OTOA: variants seen among roughly 807,000 people sequenced by gnomAD.
OTOA encodes the protein otoancorin.
A neutral mutation model predicts 110.8 loss-of-function variants in OTOA; 70 were observed. The observed-to-expected ratio is 0.63, with a 90% CI of 0.52 to 0.77. OTOA has a LOEUF of 0.77. Ranked by LOEUF, OTOA falls within the 30% of genes least tolerant of loss-of-function variation. The pLI, the probability that OTOA is intolerant of heterozygous loss-of-function variation, is 0.00. For synonymous variants in OTOA, 373 were observed against 431.5 expected, an observed-to-expected ratio of 0.86 and a Z score of 1.68; for missense variants, 917 against 1,075.8, an observed-to-expected ratio of 0.85 and a Z score of 2.06.
chr16:21,680,770 T>C (rs772226582), intron 5 of OTOA, among the ~76,000 whole-genome samples: 2 of 151,238 alleles, frequency 1.3e-5, no homozygotes, highest in Non-Finnish European at 2.9e-5. Flanking sequence ...GGAGAATCGC[T>C]TGAACCTGGG....
chr16:21,706,248 C>T (rs959895322), intron 12 of OTOA, among the ~76,000 whole-genome samples: 10 of 152,194 alleles, frequency 6.6e-5, no homozygotes, highest in Non-Finnish European at 1.3e-4. Flanking sequence ...CCTTGGCCTC[C>T]CAAAGTGTTT....
chr16:21,707,333 A>T (rs1055997450), intron 12 of OTOA, among the ~76,000 whole-genome samples: 2 of 151,962 alleles, frequency 1.3e-5, no homozygotes, highest in African/African-American at 4.8e-5. Context: ...GGGATCATCT[A>T]GCTCAGTTGT....
At chr16:21,685,735 G>A (rs1020415222) in intron 7 of OTOA, among the ~76,000 whole-genome samples, 10 of 151,698 alleles carry the variant, frequency 6.6e-5, no homozygotes, top group African/African-American at 2.4e-4. Flanking sequence ...GCTAATTTTT[G>A]TATTTTTAGT....
intron 28 of OTOA, among the ~76,000 whole-genome samples, chr16:21,758,776 G>A (rs1263817743): frequency 1.3e-5 from 2 of 151,330 alleles, no homozygotes; most frequent in African/African-American, 2.4e-5. Context: ...CGAGGTGGGC[G>A]GATCACCTGA....
At chr16:21,712,041 T>TG (rs1252036526) in intron 13 of OTOA, among the ~76,000 whole-genome samples, 1 of 152,072 alleles carries the variant, frequency 6.6e-6, no homozygotes. Flanking sequence ...TGACAAAAGG[T>TG]AGTAGGCTGG....
chr16:21,666,469 G>A (rs1966840458), intron 1 of OTOA, among the ~76,000 whole-genome samples: 1 of 152,084 alleles, frequency 6.6e-6, no homozygotes, highest in Admixed American at 6.5e-5. Flanking sequence ...TCCATGGGTT[G>A]ACCAACTCCT....
intron 18 of OTOA, among the ~76,000 whole-genome samples, chr16:21,724,104 G>A (rs1311895974): frequency 6.6e-6 from 1 of 152,170 alleles, no homozygotes; most frequent in African/African-American, 2.4e-5. Flanking sequence ...ACCTCTGTTA[G>A]GACAGAGGTG....
intron 17 of OTOA, chr16:21,721,341 A>G: frequency 2.2e-6 from 1 of 455,948 alleles, no homozygotes; most frequent in South Asian, 1.5e-5. Context: ...TGTTCTCAAC[A>G]GAGTACTGTT....
intron 5 of OTOA, 73 bp from the exon 6 acceptor site, chr16:21,681,665 C>A: frequency 1.5e-6 from 2 of 1,300,628 alleles, no homozygotes; most frequent in Non-Finnish European, 2.2e-6. Context: ...GTCCCCTGGG[C>A]ACTTAGCTAG....
chr16:21,707,889 G>C (rs1307062279), intron 12 of OTOA, among the ~76,000 whole-genome samples: 2 of 150,618 alleles, frequency 1.3e-5, no homozygotes, highest in East Asian at 3.9e-4. Flanking sequence ...CTGCCTCCCA[G>C]GTTCAAGCAA....
intron 1 of OTOA, among the ~76,000 whole-genome samples, chr16:21,666,261 T>G (rs1966840157): frequency 6.6e-6 from 1 of 150,552 alleles, no homozygotes. Context: ...TTTTTTTTTT[T>G]GGTGGAAAAT....
intron 1 of OTOA, among the ~76,000 whole-genome samples, chr16:21,674,664 C>G (rs1008983779): frequency 6.6e-6 from 1 of 151,174 alleles, no homozygotes. Context: ...TTATTTTAGC[C>G]ATCTGATAGG....
chr16:21,687,268 G>A, intron 7 of OTOA, 145 bp from the exon 8 acceptor site: 1 of 731,164 alleles, frequency 1.4e-6, no homozygotes, highest in East Asian at 2.7e-5. Context: ...TGCAGGGAAT[G>A]GAAAGTTCTA....
chr16:21,732,771 T>G (rs1340028820), intron 21 of OTOA, among the ~76,000 whole-genome samples: 1 of 148,416 alleles, frequency 6.7e-6, no homozygotes, highest in Non-Finnish European at 1.5e-5. Context: ...AAGCCAAGTT[T>G]ATATGTAAGA....
Position 21,728,265 on chromosome 16 carries a change from A to G in OTOA, c.2041A>G (p.Thr681Ala), listed in dbSNP as rs767039643. The part of the protein sequence containing the change: ...CLDDSIADEY[T>A]VDIMGNLLCH... ...GGACGACTCCATTGCTGATGAGTAC[A>G]CTGTGGACATCATGGGGAACCTGCT... is the stretch of plus-strand genomic sequence containing the variant. The change falls in exon 20 of 29, where the codon ACT becomes GCT. Residue 681 changes from threonine to alanine, a missense_variant. By Grantham distance (58) the Thr-to-Ala change is moderately conservative. Coordinates refer to ENST00000646100, the MANE Select transcript of OTOA (RefSeq NM_144672.4). The G allele has an allele frequency of 1.2e-6, 2 of 1,614,036 alleles. No homozygotes were observed. Among genetic ancestry groups the G allele is most frequent in the African/African-American group, 2.7e-5 (2 of 74,924 alleles).
At chr16:21,689,062 C>T (rs953178194) in intron 8 of OTOA, among the ~76,000 whole-genome samples, 7 of 152,040 alleles carry the variant, frequency 4.6e-5, no homozygotes, top group East Asian at 1.9e-4. Context: ...CATGAAATTG[C>T]GCTTTGATGT....
At chr16:21,697,726 G>C (rs760351723) in intron 9 of OTOA, 49 bp from the exon 10 acceptor site, 4 of 1,519,030 alleles carry the variant, frequency 2.6e-6, no homozygotes, top group Non-Finnish European at 3.7e-6. Context: ...CAGTGTAAAG[G>C]CTTTTATTTA....
Position 21,716,950 on chromosome 16 carries a change from A to G in OTOA, c.1532A>G (p.Gln511Arg). ...EDTAPGIVEI[Q>R]GAFFKEVSLF... is the part of the protein sequence containing the mutation. ...ACTGCCCCAGGCATCGTGGAGATACAAGGGGCTTTCTTTAAGGAAGTGTCT... is the reference window on the plus strand; with the variant it reads ...ACTGCCCCAGGCATCGTGGAGATACGAGGGGCTTTCTTTAAGGAAGTGTCT... The change falls in exon 15 of 29, where the codon CAA becomes CGA. Residue 511 changes from glutamine (Q) to arginine (R), a missense_variant. Gln to Arg is a conservative substitution (Grantham distance 43). Transcript: ENST00000646100. 1 of 1,613,990 alleles carries G rather than the reference A, an allele frequency of 6.2e-7. No homozygotes were observed. The highest frequency in any genetic ancestry group is 8.5e-7 in the Non-Finnish European group (1 of 1,179,990).
intron 10 of OTOA, among the ~76,000 whole-genome samples, chr16:21,700,380 T>C (rs1017147948): frequency 5.9e-5 from 9 of 152,146 alleles, no homozygotes; most frequent in African/African-American, 2.2e-4. Context: ...TCCTAAAGAA[T>C]AGTTAGGTTG....
Sources: allele counts gnomAD v4.1 joint callset (sites outside exome capture counted in the v4.1 genomes callset), GRCh38; gene constraint gnomAD v4.1.1; transcripts MANE v1.5; gene names NCBI Gene and HGNC (gene_info 2026-07-23, HGNC 2026-07-21).